The following CACNA1B variants were observed in gnomAD, a reference collection of about 807,000 sequenced individuals.
The protein encoded by CACNA1B is voltage-dependent N-type calcium channel subunit alpha-1B.
A neutral mutation model predicts 247.2 loss-of-function variants in CACNA1B; 70 were observed. That is an observed-to-expected ratio of 0.28 (90% confidence interval 0.23 to 0.35). CACNA1B has a LOEUF of 0.35. Among genes scored for constraint, CACNA1B ranks in the 10% least tolerant of loss-of-function variants. The probability of loss-of-function intolerance (pLI) is 1.00; values close to 1 mark genes in which losing one functional copy is unlikely to be tolerated. For synonymous variants in CACNA1B, 1,231 were observed against 1,294.4 expected (o/e 0.95, Z 1.05); for missense variants, 2,367 against 3,197.4 (o/e 0.74, Z 6.26).
intron 3 of CACNA1B, among the ~76,000 whole-genome samples, chr9:137,896,789 A>G (rs1957178355): frequency 1.3e-5 from 2 of 148,518 alleles, no homozygotes; most frequent in African/African-American, 5.2e-5. Flanking sequence ...TTACGCATTC[A>G]CTTTCCTTAC....
intron 38 of CACNA1B, among the ~76,000 whole-genome samples, chr9:138,103,699 G>A (rs566107747): frequency 6.6e-6 from 1 of 152,308 alleles, no homozygotes; most frequent in South Asian, 2.1e-4. Flanking sequence ...ACTGCTCTCC[G>A]GCAAACGGCC....
rs1028101760 is a variant in CACNA1B at position 138,049,271 on chromosome 9, G to A, written c.3666G>A (p.Leu1222=). The A allele has an allele frequency of 3.7e-6, 6 of 1,613,578 alleles. No individual in the cohort carries two copies. The highest frequency in any genetic ancestry group is 2.7e-5 in the African/African-American group (2 of 74,932). Residue 1222 remains leucine (L), a synonymous_variant, in exon 24 of 47, where the codon CTG becomes CTA. Coordinates refer to ENST00000371372, the MANE Select transcript of CACNA1B (RefSeq NM_000718.4). ...ATTTCCGGGACTTGTGGAACATTCT[G>A]GACTTCATTGTGGTCAGTGGCGCCC... The part of the protein sequence containing the change: ...GAYFRDLWNI[L]DFIVVSGALV...
chr9:138,050,095 TTC>T lies in CACNA1B; in HGVS notation c.3710+785_3710+786del. 2 of 1,288,930 alleles carry T rather than the reference TTC, an allele frequency of 1.6e-6. No homozygotes were observed. The highest frequency in any genetic ancestry group is 2.0e-6 in the Non-Finnish European group (2 of 988,114). 79.8% of individuals were successfully genotyped at this position (1,288,930 alleles called of 1,614,324 possible). Reference sequence around the variant, plus strand: ...GGCAGGAGCTTCGTGGGGTAATGCCTTCTCTCCCCCACACGCTGCCCCTGACA... The same window carrying T: ...GGCAGGAGCTTCGTGGGGTAATGCCTTCTCCCCCACACGCTGCCCCTGACA... On this transcript the variant is annotated intron_variant, in intron 24 of 46. Transcript: ENST00000371372. This position sits in a 1 kb window ranked among gnomAD's most constrained non-coding sequence, Gnocchi z 5.2.
intron 10 of CACNA1B, among the ~76,000 whole-genome samples, chr9:137,963,824 G>A (rs1437724353): frequency 6.6e-6 from 1 of 152,178 alleles, no homozygotes; most frequent in East Asian, 1.9e-4. Flanking sequence ...TTTTGCAGCG[G>A]CTAGTAATGG....
intron 3 of CACNA1B, chr9:137,892,242 A>G (rs1214803029): frequency 4.4e-6 from 2 of 456,662 alleles, no homozygotes; most frequent in African/African-American, 4.0e-5. Flanking sequence ...TTTCCTTCTC[A>G]GTCCTGGAGG....
intron 6 of CACNA1B, among the ~76,000 whole-genome samples, chr9:137,936,934 T>A (rs1957675443): frequency 6.6e-6 from 1 of 152,222 alleles, no homozygotes; most frequent in Non-Finnish European, 1.5e-5. Context: ...GCTTTGTTCT[T>A]TTTGCTTATG....
Position 138,100,904 on chromosome 9 carries a change from C to T in CACNA1B, c.5223-1807C>T, listed in dbSNP as rs1435827468. ...AGCGGCTCCTGCACACATCGGGCTC[C>T]GGAAATTTCGCTGGGGTTGCCACAC... On this transcript the variant is annotated intron_variant, in intron 37 of 46. Coordinates refer to ENST00000371372, the MANE Select transcript of CACNA1B (RefSeq NM_000718.4). This position sits in a 1 kb window ranked among gnomAD's most constrained non-coding sequence, Gnocchi z 4.6. Among the ~76,000 whole-genome samples, 16 of 152,142 alleles carry T rather than the reference C, an allele frequency of 1.1e-4. No homozygotes were observed. The Middle Eastern group carries it at 0.01, about 97-fold the overall frequency.
At chr9:138,084,098 C>T (rs1280255092) in intron 36 of CACNA1B, among the ~76,000 whole-genome samples, 1 of 151,090 alleles carries the variant, frequency 6.6e-6, no homozygotes, top group East Asian at 2.0e-4. Flanking sequence ...TATAATCTCG[C>T]CCCCTGGGCC....
intron 3 of CACNA1B, among the ~76,000 whole-genome samples, chr9:137,908,538 CA>C (rs999816421): frequency 6.6e-6 from 1 of 151,440 alleles, no homozygotes; most frequent in Non-Finnish European, 1.5e-5. Flanking sequence ...AACAAACAAA[CA>C]AAAAAAACCT....
chr9:138,040,621 G>A (rs768992185), intron 20 of CACNA1B: 35 of 430,500 alleles, frequency 8.1e-5, no homozygotes, highest in Middle Eastern at 3.5e-4. Context: ...CTTGGAGTCC[G>A]ATGTTCGAGG....
intron 15 of CACNA1B, among the ~76,000 whole-genome samples, chr9:138,002,768 T>TTCTTC (rs1385489512): frequency 6.6e-6 from 1 of 151,524 alleles, no homozygotes; most frequent in African/African-American, 2.4e-5. Flanking sequence ...GGAGAGAAAT[T>TTCTTC]TCTTCTCTTT....
rs1957459770 is a variant in CACNA1B at position 137,919,994 on chromosome 9, T to G, written c.966+2563T>G. On this transcript the variant is annotated intron_variant, in intron 6 of 46. Transcript: ENST00000371372. This position sits in a 1 kb window ranked among gnomAD's most constrained non-coding sequence, Gnocchi z 4.6. ...TCCTGTTAGGTCCAGAGAGGTGAGA[T>G]CATCTCAGGACAGCACCGCACGAGG... Among the ~76,000 whole-genome samples, 1 of 151,764 alleles carries G rather than the reference T, an allele frequency of 6.6e-6. No homozygotes were observed. Among genetic ancestry groups the G allele is most frequent in the Admixed American group, 6.6e-5 (1 of 15,232 alleles).
At chr9:138,099,301 A>G (rs1961166265) in intron 37 of CACNA1B, among the ~76,000 whole-genome samples, 1 of 152,016 alleles carries the variant, frequency 6.6e-6, no homozygotes, top group Non-Finnish European at 1.5e-5. Flanking sequence ...ACGTGTGTGC[A>G]TGTTGACGTT....
Position 137,917,463 on chromosome 9 carries a change from C to G in CACNA1B, c.966+32C>G, listed in dbSNP as rs199738948. 53 of 1,596,430 alleles carry G rather than the reference C, an allele frequency of 3.3e-5. No homozygotes were observed. Among genetic ancestry groups the G allele is most frequent in the Non-Finnish European group, 4.1e-5 (48 of 1,168,342 alleles). On this transcript the variant is annotated intron_variant, in intron 6 of 46. Coordinates refer to ENST00000371372, the MANE Select transcript of CACNA1B (RefSeq NM_000718.4). This position sits in a 1 kb window ranked among gnomAD's most constrained non-coding sequence, Gnocchi z 5.5. Reference sequence around the variant, plus strand: ...GGCGTCTTGGCCCTGGGCCTGAGGGCAGGCCCTGGACCTCCTGAGCTGGTG... The same window carrying G: ...GGCGTCTTGGCCCTGGGCCTGAGGGGAGGCCCTGGACCTCCTGAGCTGGTG...
chr9:138,033,890 A>G (rs1258231632), intron 20 of CACNA1B, among the ~76,000 whole-genome samples: 2 of 152,194 alleles, frequency 1.3e-5, no homozygotes, highest in African/African-American at 4.8e-5. Flanking sequence ...ATTTGAGGTG[A>G]GATTTGGGTG....
chr9:138,101,934 T>A (rs1294452542), intron 37 of CACNA1B, among the ~76,000 whole-genome samples: 2 of 152,178 alleles, frequency 1.3e-5, no homozygotes. Context: ...CATCGGAGCC[T>A]TTAGGTTCCT....
rs137882399 is a variant in CACNA1B, at chr9:138,087,124, G to A, written c.5094+8866G>A. Among the ~76,000 whole-genome samples, 34 of 151,154 alleles carry A rather than the reference G, an allele frequency of 2.2e-4. 3 individuals are homozygous for A. The highest frequency in any genetic ancestry group is 6.1e-4 in the African/African-American group (25 of 40,908). On this transcript the variant is annotated intron_variant, in intron 36 of 46. Transcript: ENST00000371372. Reference sequence around the variant, plus strand: ...AATTTGGCCTGGCACAGTAGCTCACGCCTGTAATCCCAGCACTTTGGGAGG... The same window carrying A: ...AATTTGGCCTGGCACAGTAGCTCACACCTGTAATCCCAGCACTTTGGGAGG...
chr9:138,049,540 G>C (rs1959214100), intron 24 of CACNA1B, among the ~76,000 whole-genome samples: 1 of 152,192 alleles, frequency 6.6e-6, no homozygotes, highest in Non-Finnish European at 1.5e-5. Flanking sequence ...GCCCTGGTGT[G>C]GCCTGTGGCC....
At chr9:137,893,669 C>CAAAAT (rs543559340) in intron 3 of CACNA1B, among the ~76,000 whole-genome samples, 105 of 151,208 alleles carry the variant, frequency 6.9e-4, no homozygotes, top group African/African-American at 2.2e-3. Context: ...AAAAATGAAA[C>CAAAAT]AAAATAAAAT....
Sources: gnomAD v4.1 joint callset for allele counts (sites outside exome capture counted in the v4.1 genomes callset) on GRCh38, gnomAD v4.1.1 for gene constraint, Gnocchi (gnomAD v3.1) non-coding constraint, MANE v1.5 for transcripts, NCBI Gene and HGNC (gene_info 2026-07-23, HGNC 2026-07-21) for gene names.